RRP12: variants seen among roughly 807,000 people sequenced by gnomAD.
The protein encoded by RRP12 is RRP12-like protein.
RRP12 carries 78 observed loss-of-function variants against 157.3 expected under a neutral mutation model. That is an observed-to-expected ratio of 0.50 (90% confidence interval 0.41 to 0.60). RRP12 has a LOEUF of 0.60. Among genes scored for constraint, RRP12 ranks in the 20% least tolerant of loss-of-function variants. The pLI is 0.00. For synonymous variants in RRP12, 726 were observed against 670.9 expected (o/e 1.08, Z -1.27); for missense variants, 1,521 against 1,679.9 (o/e 0.91, Z 1.65).
At chr10:97,390,251 G>C (rs1285342754) in intron 6 of RRP12, among the ~76,000 whole-genome samples, 172 bp downstream of exon 6, 1 of 152,214 alleles carries the variant, frequency 6.6e-6, no homozygotes, top group East Asian at 1.9e-4. Flanking sequence ...CCTGGAGGAG[G>C]AAGAGCCGCC....
In RRP12 at chr10:97,386,883, G is replaced by A. The variant is rs951707052; in HGVS notation, c.1018-890C>T. On this transcript the variant is annotated intron_variant, in intron 8 of 33. Coordinates refer to ENST00000370992, the MANE Select transcript of RRP12 (RefSeq NM_015179.4). ...CGGGCGCCTGTAGTCCCAGCTACTC[G>A]GGAGGCTGAGGCAGGAGAATGGCGT... 1.1e-4 allele frequency among the ~76,000 whole-genome samples: 16 copies of A among 152,176 alleles called. No individual in the cohort carries two copies. The East Asian group carries it at 2.5e-3, about 24-fold the overall frequency.
intron 12 of RRP12, 53 bp from the exon 13 acceptor site, chr10:97,380,966 C>T (rs372390865): frequency 1.8e-5 from 26 of 1,443,680 alleles, no homozygotes; most frequent in Non-Finnish European, 2.3e-5. Flanking sequence ...CTGTGCCCCC[C>T]ACCAGAGAAA....
chr10:97,396,630 G>A (rs1022714739), intron 2 of RRP12, among the ~76,000 whole-genome samples: 2 of 152,210 alleles, frequency 1.3e-5, no homozygotes, highest in African/African-American at 4.8e-5. Context: ...ATGTACTGTA[G>A]TTGTCTCTAA....
chr10:97,399,900 A>G (rs1845089152), intron 2 of RRP12, among the ~76,000 whole-genome samples: 1 of 152,214 alleles, frequency 6.6e-6, no homozygotes, highest in Non-Finnish European at 1.5e-5. Flanking sequence ...CCTGGCCAAC[A>G]GAACGAGACT....
chr10:97,390,502 T>A lies in RRP12; in HGVS notation c.674A>T (p.Asp225Val). 1 of 1,614,004 alleles carries A rather than the reference T, an allele frequency of 6.2e-7. No individual in the cohort carries two copies. Among genetic ancestry groups the A allele is most frequent in the Non-Finnish European group, 8.5e-7 (1 of 1,179,980 alleles). Residue 225 changes from aspartate (D) to valine (V), a missense_variant, in exon 6 of 34, where the codon GAC becomes GTC. Asp to Val is a radical substitution (Grantham distance 152, BLOSUM62 -3). Coordinates refer to ENST00000370992, the MANE Select transcript of RRP12 (RefSeq NM_015179.4). The stretch of plus-strand genomic sequence containing the variant: ...CACGGGGTAGCCCCAGGCCTCCAGG[T>A]CTTGCTTCCGCAGAAGGGTGGCCAG... ...SCLATLLRKQDLEAWGYPVTL... is the reference protein window; with the variant it reads ...SCLATLLRKQVLEAWGYPVTL...
At chr10:97,358,010 AACATCTGT>A (rs1156573341) in intron 33 of RRP12, among the ~76,000 whole-genome samples, 1 of 151,690 alleles carries the variant, frequency 6.6e-6, no homozygotes, top group African/African-American at 2.4e-5. Context: ...AATACCAGAA[AACATCTGT>A]ATGACATAAT....
At chr10:97,357,232 TGAGA>T (rs1843734734) in intron 33 of RRP12, 36 bp from the exon 34 acceptor site, 2 of 1,388,500 alleles carry the variant, frequency 1.4e-6, no homozygotes, top group Non-Finnish European at 2.0e-6. Context: ...CACATCTGGC[TGAGA>T]ATAGGAGGCC....
At chr10:97,373,286 T>C in intron 17 of RRP12, 86 bp from the exon 18 acceptor site, 1 of 1,399,594 alleles carries the variant, frequency 7.1e-7, no homozygotes, top group Non-Finnish European at 9.8e-7. Context: ...AGAGGCCCTC[T>C]CTTGGGGGAG....
At chr10:97,359,702 T>C (rs1046569033) in intron 31 of RRP12, among the ~76,000 whole-genome samples, 3 of 152,158 alleles carry the variant, frequency 2.0e-5, no homozygotes, top group Admixed American at 1.3e-4. Flanking sequence ...AGACAGACAG[T>C]GTAACCAGGC....
intron 3 of RRP12, among the ~76,000 whole-genome samples, chr10:97,395,028 A>C (rs947380400): frequency 2.0e-5 from 3 of 151,986 alleles, no homozygotes; most frequent in African/African-American, 7.2e-5. Flanking sequence ...CTGTAATTCC[A>C]ACTACTCAGG....
At chr10:97,397,881 C>T (rs890685798) in intron 2 of RRP12, among the ~76,000 whole-genome samples, 1 of 149,304 alleles carries the variant, frequency 6.7e-6, no homozygotes, top group South Asian at 2.1e-4. Flanking sequence ...AGCCACTGCA[C>T]TCTAACCTGG....
intron 15 of RRP12, among the ~76,000 whole-genome samples, chr10:97,377,373 T>A (rs535106138): frequency 2.1e-5 from 3 of 145,866 alleles, no homozygotes; most frequent in East Asian, 2.1e-4. Flanking sequence ...AAGAAATTTT[T>A]AAAAAGTGAG....
chr10:97,401,313 C>A lies in RRP12; in HGVS notation c.-82G>T. On this transcript the variant is annotated 5_prime_UTR_variant, in exon 1 of 34. Transcript: ENST00000370992. ...AACACGCTCAGAACCCACGTGGATACCCTGTAGCCTTCACTTCCTCTTCTT... is the reference window on the plus strand; with the variant it reads ...AACACGCTCAGAACCCACGTGGATAACCTGTAGCCTTCACTTCCTCTTCTT... The A allele has an allele frequency of 6.5e-7, 1 of 1,539,062 alleles. No individual in the cohort carries two copies. The highest frequency in any genetic ancestry group is 8.9e-7 in the Non-Finnish European group (1 of 1,124,342).
intron 29 of RRP12, chr10:97,365,804 AG>A: frequency 3.4e-6 from 1 of 294,722 alleles, no homozygotes; most frequent in Non-Finnish European, 6.3e-6. Context: ...AAAAGGAGAA[AG>A]GAAGAGGAGG....
At position 97,366,479 on chromosome 10, in the gene RRP12, A is replaced by T; in HGVS notation, c.3358T>A (p.Phe1120Ile). 1.2e-6 allele frequency: 2 copies of T among 1,613,424 alleles called. No individual in the cohort carries two copies. The highest frequency in any genetic ancestry group is 1.7e-6 in the Non-Finnish European group (2 of 1,179,748). Residue 1120 changes from phenylalanine (F) to isoleucine (I), a missense_variant, in exon 28 of 34, where the codon TTC becomes ATC. Physicochemically the swap from Phe to Ile is conservative, Grantham distance 21. Transcript: ENST00000370992. ...CGTTGGGCCACCTTGGGATCCAGGA[A>T]GTTGAGGGGCTCGTCCCCACCGCCC... is the stretch of plus-strand genomic sequence containing the variant. ...KEGGGDEPLNFLDPKVAQRVL... is the reference protein window; with the variant it reads ...KEGGGDEPLNILDPKVAQRVL...
chr10:97,390,371 C>T lies in RRP12; in HGVS notation c.753+52G>A, dbSNP rs113460026. The stretch of plus-strand genomic sequence containing the variant: ...CTAGCCAAGTCTGGGCTGCACTGGG[C>T]TGAGTGGTGGCTGTCCCCTTGCCCC... On this transcript the variant is annotated intron_variant, in intron 6 of 33. Coordinates refer to ENST00000370992, the MANE Select transcript of RRP12 (RefSeq NM_015179.4). The T allele has an allele frequency of 1.8e-3, 2,576 of 1,397,712 alleles. 9 individuals carry two copies. The highest frequency in any genetic ancestry group is 0.017 in the Middle Eastern group (83 of 4,840). 86.6% of individuals were successfully genotyped at this position (1,397,712 alleles called of 1,614,324 possible).
At chr10:97,372,239 C>T (rs1844178063) in intron 19 of RRP12, 73 bp from the exon 20 acceptor site, 3 of 1,189,202 alleles carry the variant, frequency 2.5e-6, no homozygotes, top group Non-Finnish European at 3.7e-6. Flanking sequence ...GTTCTTACGT[C>T]TACTGGGTAT....
At chr10:97,391,773 T>C (rs534278667) in intron 4 of RRP12, among the ~76,000 whole-genome samples, 16 of 151,772 alleles carry the variant, frequency 1.1e-4, no homozygotes, top group Non-Finnish European at 2.2e-4. Context: ...TACAAACAAT[T>C]AGCCAGACGT....
rs758049991 is a variant in RRP12 at position 97,388,383 on chromosome 10, G to C, written c.890-4C>G. The C allele has an allele frequency of 1.9e-6, 3 of 1,613,614 alleles. No homozygotes were observed. Among genetic ancestry groups the C allele is most frequent in the East Asian group, 2.2e-5 (1 of 44,896 alleles). ...GTGGTGGTGGCCTCCTTGGAGCCTG[G>C]TATACAGAAGAGGAATTGAGACACC... On this transcript the variant is annotated splice_region_variant and splice_polypyrimidine_tract_variant and intron_variant, in intron 7 of 33. Transcript: ENST00000370992.
Sources: gnomAD v4.1 joint callset for allele counts (sites outside exome capture counted in the v4.1 genomes callset) on GRCh38, gnomAD v4.1.1 for gene constraint, MANE v1.5 for transcripts, NCBI Gene and HGNC (gene_info 2026-07-23, HGNC 2026-07-21) for gene names.